The following TMEM178A variants were observed in gnomAD, a reference collection of about 807,000 sequenced individuals.
TMEM178A encodes transmembrane protein 178.
TMEM178A carries 12 observed loss-of-function variants against 29.1 expected under a neutral mutation model. That is an observed-to-expected ratio of 0.41 (90% CI 0.26 to 0.67). The LOEUF is 0.67. TMEM178A is among the 30% of genes least tolerant of loss of function. The pLI is 0.29. For missense variants in TMEM178A, 366 were observed against 419.1 expected, an observed-to-expected ratio of 0.87 and a Z score of 1.11; for synonymous variants, 210 against 187.2, an observed-to-expected ratio of 1.12 and a Z score of -0.99.
the TMEM178A span, among the ~76,000 whole-genome samples, chr2:39,731,584 T>C: frequency 1.3e-5 from 2 of 152,164 alleles, no homozygotes; most frequent in African/African-American, 4.8e-5. Context: ...CAAGAGGGCA[T>C]TGATTCATTC....
intron 1 of TMEM178A, among the ~76,000 whole-genome samples, chr2:39,682,299 T>C (rs962899960): frequency 6.6e-6 from 1 of 152,178 alleles, no homozygotes; most frequent in Non-Finnish European, 1.5e-5. Context: ...GTGTGAACTA[T>C]GATGTAATGC....
intron 1 of TMEM178A, among the ~76,000 whole-genome samples, chr2:39,691,974 A>G (rs1029512370): frequency 6.6e-6 from 1 of 152,010 alleles, no homozygotes; most frequent in Admixed American, 6.6e-5. Flanking sequence ...AGAATATTTA[A>G]TTCAGCCTTA....
intron 1 of TMEM178A, among the ~76,000 whole-genome samples, chr2:39,669,990 C>T (rs182706334): frequency 2.6e-5 from 4 of 152,312 alleles, no homozygotes; most frequent in Admixed American, 2.6e-4. Flanking sequence ...CTAAATTAGT[C>T]TTCCTTATAT....
At position 39,689,874 on chromosome 2, in the gene TMEM178A, T is replaced by C. The variant is rs182717738; in HGVS notation, c.401-14207T>C. 9.9e-4 allele frequency among the ~76,000 whole-genome samples: 150 copies of C among 152,246 alleles called. 1 individual carries two copies. Among genetic ancestry groups the C allele is most frequent in the African/African-American group, 3.4e-3 (143 of 41,540 alleles). ...CCATTTGAGAAAAAAAATCTGAGAA[T>C]AGATACCTTGAAGAGGAGAATAAGA... On this transcript the variant is annotated intron_variant, in intron 1 of 3. Coordinates refer to ENST00000281961, the MANE Select transcript of TMEM178A (RefSeq NM_152390.3).
intron 3 of TMEM178A, among the ~76,000 whole-genome samples, chr2:39,714,480 T>G (rs921764205): frequency 9.9e-5 from 15 of 152,194 alleles, no homozygotes; most frequent in Admixed American, 9.8e-4. Context: ...GCCAAAAGCA[T>G]GCCATGAAAT....
chr2:39,720,017 T>C (rs543171028), downstream of TMEM178A, among the ~76,000 whole-genome samples: 3 of 151,988 alleles, frequency 2.0e-5, no homozygotes, highest in East Asian at 5.8e-4. Context: ...TCTAGAAAAA[T>C]GCAGTGAAGG....
chr2:39,685,184 C>T (rs1457611704), intron 1 of TMEM178A, among the ~76,000 whole-genome samples: 4 of 152,214 alleles, frequency 2.6e-5, no homozygotes, highest in South Asian at 2.1e-4. Context: ...ATGGTCTAGC[C>T]GCCTCCTTCC....
chr2:39,722,847 C>A (rs1358204915), downstream of TMEM178A, among the ~76,000 whole-genome samples: 1 of 152,146 alleles, frequency 6.6e-6, no homozygotes, highest in African/African-American at 2.4e-5. Context: ...CAGGCCACTG[C>A]CTTGAGTGTG....
At chr2:39,731,147 TA>T in the TMEM178A span, among the ~76,000 whole-genome samples, 28 of 152,230 alleles carry the variant, frequency 1.8e-4, no homozygotes, top group African/African-American at 6.8e-4. Context: ...GGCAATTTGT[TA>T]AGTTCATGGA....
rs1014359729 is a variant in TMEM178A at position 39,703,976 on chromosome 2, C to T, written c.401-105C>T. On this transcript the variant is annotated intron_variant, in intron 1 of 3. Coordinates refer to ENST00000281961, the MANE Select transcript of TMEM178A (RefSeq NM_152390.3). ...TGCTCTGAATCAAGAGATTCTTATC[C>T]CATCTCCCATTCAACCCAGGTTAGG... is the stretch of plus-strand genomic sequence containing the variant. 6.6e-6 allele frequency: 5 copies of T among 759,276 alleles called. No individual in the cohort carries two copies. In the African/African-American group the frequency reaches 7.0e-5, roughly 11 times the overall value. 47.0% of individuals were successfully genotyped at this position (759,276 alleles called of 1,614,324 possible). A position where few individuals can be genotyped will look rare whatever the true frequency, so the allele number is the denominator to read the frequency against.
chr2:39,710,404 T>C lies in TMEM178A; in HGVS notation c.652+3218T>C, dbSNP rs144701636. Among the ~76,000 whole-genome samples, 417 of 152,280 alleles carry C rather than the reference T, an allele frequency of 2.7e-3. 1 individual carries two copies. The highest frequency in any genetic ancestry group is 9.5e-3 in the African/African-American group (395 of 41,540). ...AAACAACCTTTTTTCAATATTTCCT[T>C]TATTTTGGACCAAATCTTGCCATGT... On this transcript the variant is annotated intron_variant, in intron 3 of 3. Transcript: ENST00000281961.
intron 1 of TMEM178A, among the ~76,000 whole-genome samples, chr2:39,686,962 CATGTGTGTGT>C (rs1236034138): frequency 5.0e-5 from 5 of 100,400 alleles, no homozygotes; most frequent in African/African-American, 1.5e-4. Context: ...TGCACATATG[CATGTGTGTGT>C]GTGTGTGTGT....
At chr2:39,695,665 A>C (rs1436556461) in intron 1 of TMEM178A, among the ~76,000 whole-genome samples, 2 of 151,908 alleles carry the variant, frequency 1.3e-5, no homozygotes, top group Non-Finnish European at 2.9e-5. Context: ...AACCAGTCAC[A>C]GGTAAGTGTA....
At chr2:39,675,550 T>C (rs1277164051) in intron 1 of TMEM178A, among the ~76,000 whole-genome samples, 1 of 152,156 alleles carries the variant, frequency 6.6e-6, no homozygotes, top group Non-Finnish European at 1.5e-5. Flanking sequence ...ATTTTGATGA[T>C]GCCACAGGGG....
chr2:39,728,765 G>A, the TMEM178A span, among the ~76,000 whole-genome samples: 1 of 151,404 alleles, frequency 6.6e-6, no homozygotes, highest in African/African-American at 2.4e-5. Context: ...TGGTCACAGA[G>A]TCCACCCCTA....
chr2:39,694,846 G>C (rs1671470161), intron 1 of TMEM178A, among the ~76,000 whole-genome samples: 1 of 152,182 alleles, frequency 6.6e-6, no homozygotes, highest in African/African-American at 2.4e-5. Context: ...CTACCGGACA[G>C]AGCTGCTTAG....
chr2:39,690,197 C>T (rs535577581), intron 1 of TMEM178A, among the ~76,000 whole-genome samples: 4 of 152,276 alleles, frequency 2.6e-5, no homozygotes, highest in South Asian at 2.1e-4. Context: ...TGTTAACTGA[C>T]GGTGAACTCC....
At chr2:39,673,445 G>C (rs941641198) in intron 1 of TMEM178A, among the ~76,000 whole-genome samples, 3 of 152,330 alleles carry the variant, frequency 2.0e-5, no homozygotes, top group East Asian at 3.9e-4. Flanking sequence ...ATGTCCTCCA[G>C]TGTTCAGACT....
At chr2:39,714,168 G>A (rs1321751261) in intron 3 of TMEM178A, among the ~76,000 whole-genome samples, 1 of 152,068 alleles carries the variant, frequency 6.6e-6, no homozygotes, top group African/African-American at 2.4e-5. Flanking sequence ...ACAACTTCGA[G>A]AGCACTTTGA....
Sources: gnomAD v4.1 joint callset for allele counts (sites outside exome capture counted in the v4.1 genomes callset) on GRCh38, gnomAD v4.1.1 for gene constraint, MANE v1.5 for transcripts, NCBI Gene and HGNC (gene_info 2026-07-23, HGNC 2026-07-21) for gene names.